The following LRFN2 variants were observed in gnomAD, a reference collection of about 807,000 sequenced individuals.
The protein encoded by LRFN2 is leucine-rich repeat and fibronectin type-III domain-containing protein 2.
Under a neutral mutation model 37.3 loss-of-function variants are expected in LRFN2, and 18 were observed. The observed-to-expected ratio is 0.48, with a 90% CI of 0.33 to 0.72. LRFN2 has a LOEUF of 0.72. Among genes scored for constraint, LRFN2 ranks in the 30% least tolerant of loss-of-function variants. LRFN2 has a pLI of 0.02. For synonymous variants in LRFN2, 556 were observed against 466.6 expected, an observed-to-expected ratio of 1.19 and a Z score of -2.47; for missense variants, 1,006 against 1,060.7, an observed-to-expected ratio of 0.95 and a Z score of 0.72.
rs115655342 is a variant in LRFN2 at position 40,555,380 on chromosome 6, T to A, written c.-19+31561A>T. Among the ~76,000 whole-genome samples the A allele has an allele frequency of 9.3e-3, 1,409 of 152,240 alleles. 24 individuals are homozygous for A. Among genetic ancestry groups the A allele is most frequent in the African/African-American group, 0.032 (1,318 of 41,532 alleles). ...TAAGGAGGTGAGGAGACCCTCCTCC[T>A]CCTCTCCCCTCCACAAGTGAGACTA... On this transcript the variant is annotated intron_variant, in intron 1 of 2. Coordinates refer to ENST00000338305, the MANE Select transcript of LRFN2 (RefSeq NM_020737.3).
In LRFN2 at chr6:40,432,739, G is replaced by C; in HGVS notation, c.375C>G (p.Asn125Lys). The change falls in exon 2 of 3, where the codon AAC (asparagine) becomes AAG (lysine). Residue 125 changes from asparagine (N) to lysine (K), a missense_variant. Asn to Lys is a moderately conservative substitution (Grantham distance 94). Around this residue, in one of 4 missense-constraint regions of LRFN2, gnomAD observed 185 missense variants for 254.9 expected, o/e 0.73. Transcript: ENST00000338305. ...TGTTGTTCACGATAAGGTGCTGCAG[G>C]TTGACCAGGCCCCGGAGGGTGTCCT... The part of the protein sequence containing the change: ...LGEDTLRGLV[N>K]LQHLIVNNNQ... 6.2e-7 allele frequency: 1 copy of C among 1,614,186 alleles called. No homozygotes were observed. The highest frequency in any genetic ancestry group is 8.5e-7 in the Non-Finnish European group (1 of 1,180,034).
At chr6:40,575,302 G>A (rs1295738539) in intron 1 of LRFN2, among the ~76,000 whole-genome samples, 2 of 152,202 alleles carry the variant, frequency 1.3e-5, no homozygotes, top group African/African-American at 2.4e-5. Context: ...CAGCTCCGAG[G>A]TGCTCCTGGG....
Position 40,431,802 on chromosome 6 carries a change from C to A in LRFN2, c.1312G>T (p.Val438Phe). The A allele has an allele frequency of 6.5e-7, 1 of 1,544,230 alleles. No homozygotes were observed. Among genetic ancestry groups the A allele is most frequent in the Non-Finnish European group, 8.7e-7 (1 of 1,144,588 alleles). ...GCTGACTTGCTGACAGACCACTTGA[C>A]CAGGGCCGAGGTGGTGGTCACTTCA... The part of the protein sequence containing the change: ...VSEVTTTSAL[V>F]KWSVSKSAPR... Residue 438 changes from valine (V) to phenylalanine (F), a missense_variant, in exon 2 of 3, where the codon GTC becomes TTC. Transcript: ENST00000338305.
intron 1 of LRFN2, among the ~76,000 whole-genome samples, chr6:40,508,129 C>G (rs1765596697): frequency 6.6e-6 from 1 of 152,198 alleles, no homozygotes; most frequent in Non-Finnish European, 1.5e-5. Flanking sequence ...TACCTCCCCT[C>G]CAAGCCCTCA....
chr6:40,553,878 C>A (rs187550968), intron 1 of LRFN2, among the ~76,000 whole-genome samples: 1 of 152,322 alleles, frequency 6.6e-6, no homozygotes, highest in East Asian at 1.9e-4. Flanking sequence ...TTGTGCTTCT[C>A]ACCTCTGGGG....
chr6:40,395,279 C>A (rs921195825), intron 2 of LRFN2, among the ~76,000 whole-genome samples: 2 of 152,246 alleles, frequency 1.3e-5, no homozygotes, highest in African/African-American at 2.4e-5. Context: ...TAGTATGCAG[C>A]AGTTGAGACC....
At chr6:40,462,521 T>A (rs1456108766) in intron 1 of LRFN2, among the ~76,000 whole-genome samples, 4 of 152,128 alleles carry the variant, frequency 2.6e-5, no homozygotes. Context: ...TTTCGCTCCC[T>A]CATTCCAAGA....
chr6:40,556,338 G>T lies in LRFN2; in HGVS notation c.-19+30603C>A, dbSNP rs570922178. ...TCTGACACCCTGACAGGCCCCTCTT[G>T]CCCTACAGCAGGGGCCCTTCTGCTC... On this transcript the variant is annotated intron_variant, in intron 1 of 2. Coordinates refer to ENST00000338305, the MANE Select transcript of LRFN2 (RefSeq NM_020737.3). Among the ~76,000 whole-genome samples, 9 of 152,284 alleles carry T rather than the reference G, an allele frequency of 5.9e-5. No individual in the cohort carries two copies. In the South Asian group the frequency reaches 1.7e-3, roughly 28 times the overall value.
At chr6:40,547,692 TG>T (rs1422193211) in intron 1 of LRFN2, among the ~76,000 whole-genome samples, 1 of 152,068 alleles carries the variant, frequency 6.6e-6, no homozygotes, top group Non-Finnish European at 1.5e-5. Flanking sequence ...AGAGTGAGTT[TG>T]GGCTATTTAT....
intron 2 of LRFN2, among the ~76,000 whole-genome samples, chr6:40,426,528 A>T (rs1763356998): frequency 6.6e-6 from 1 of 152,248 alleles, no homozygotes; most frequent in Admixed American, 6.5e-5. Context: ...GAAGATAGAT[A>T]CAAAGCCAAA....
chr6:40,576,511 C>T (rs1303972107), intron 1 of LRFN2, among the ~76,000 whole-genome samples: 1 of 152,224 alleles, frequency 6.6e-6, no homozygotes, highest in Admixed American at 6.5e-5. Flanking sequence ...TAACTCATGC[C>T]TCAAGCTGGG....
At chr6:40,532,885 A>G (rs1280071774) in intron 1 of LRFN2, among the ~76,000 whole-genome samples, 1 of 152,224 alleles carries the variant, frequency 6.6e-6, no homozygotes, top group Non-Finnish European at 1.5e-5. Flanking sequence ...CAGCAAGACA[A>G]TAATGAAGGC....
chr6:40,406,612 C>T (rs1257886200), intron 2 of LRFN2, among the ~76,000 whole-genome samples: 3 of 152,220 alleles, frequency 2.0e-5, no homozygotes, highest in African/African-American at 4.8e-5. Flanking sequence ...CACACACTTC[C>T]AGGACATGCC....
At chr6:40,448,641 G>A (rs12525942) in intron 1 of LRFN2, among the ~76,000 whole-genome samples, 5,491 of 152,278 alleles carry the variant, frequency 0.036, 167 homozygotes, top group East Asian at 0.08. Context: ...CCAAAGGACC[G>A]AATCGCTAAT....
At chr6:40,542,425 G>T (rs1384201764) in intron 1 of LRFN2, among the ~76,000 whole-genome samples, 1 of 152,118 alleles carries the variant, frequency 6.6e-6, no homozygotes, top group Non-Finnish European at 1.5e-5. Context: ...GGGAGGTGCT[G>T]CAGTGAAACA....
At chr6:40,574,374 A>G (rs1581801488) in intron 1 of LRFN2, among the ~76,000 whole-genome samples, 1 of 152,254 alleles carries the variant, frequency 6.6e-6, no homozygotes, top group East Asian at 1.9e-4. Flanking sequence ...TGAGATTTGA[A>G]CCCAGCTGTC....
chr6:40,434,963 C>T (rs1763608216), intron 1 of LRFN2, among the ~76,000 whole-genome samples: 1 of 139,486 alleles, frequency 7.2e-6, no homozygotes, highest in African/African-American at 2.6e-5. Context: ...GTTTGCATTA[C>T]TCCTATTTCT....
At chr6:40,498,661 G>A (rs994904891) in intron 1 of LRFN2, among the ~76,000 whole-genome samples, 8 of 152,148 alleles carry the variant, frequency 5.3e-5, no homozygotes, top group South Asian at 2.1e-4. Context: ...CCCACTCTGC[G>A]ACACCCACAT....
chr6:40,520,220 G>C (rs534832575), intron 1 of LRFN2, among the ~76,000 whole-genome samples: 2 of 152,254 alleles, frequency 1.3e-5, no homozygotes, highest in Non-Finnish European at 2.9e-5. Context: ...AGGAAGCCCA[G>C]CCCGAGAGGA....
Sources: allele counts gnomAD v4.1 joint callset (sites outside exome capture counted in the v4.1 genomes callset), GRCh38; gene constraint gnomAD v4.1.1; regional missense constraint gnomAD v4.1.1; transcripts MANE v1.5; gene names NCBI Gene and HGNC (gene_info 2026-07-23, HGNC 2026-07-21).